Variants in ZDHHC11 observed in about 807,000 individuals in gnomAD.
The protein encoded by ZDHHC11 is zDHHC palmitoyltransferase 11, also known as palmitoyltransferase ZDHHC11.
In ZDHHC11, 44 loss-of-function variants were observed where a neutral mutation model predicts 51.3. That is an observed-to-expected ratio of 0.86 (90% CI 0.67 to 1.10). The LOEUF (loss-of-function observed/expected upper bound fraction) is 1.10, where lower values mean the gene tolerates loss of function less well. Ranked by LOEUF, ZDHHC11 falls within the 50% of genes least tolerant of loss-of-function variation. The pLI, the probability that ZDHHC11 is intolerant of heterozygous loss-of-function variation, is 0.00. For synonymous variants in ZDHHC11, 163 were observed against 222.0 expected (o/e 0.73, Z 2.36); for missense variants, 400 against 537.7 (o/e 0.74, Z 2.53).
At chr5:816,393 G>A in intron 10 of ZDHHC11, 2 of 414,168 alleles carry the variant, frequency 4.8e-6, no homozygotes, top group Non-Finnish European at 9.6e-6. Flanking sequence ...AGCGCAGGCG[G>A]TGGTGGGGTT....
chr5:807,904 T>A (rs1408796228), intron 11 of ZDHHC11, among the ~76,000 whole-genome samples: 2 of 150,446 alleles, frequency 1.3e-5, no homozygotes, highest in Non-Finnish European at 2.9e-5. Flanking sequence ...GAGGTCAGCC[T>A]GGGATGCCTC....
intron 7 of ZDHHC11, among the ~76,000 whole-genome samples, chr5:829,129 GA>G (rs1742729296): frequency 7.1e-6 from 1 of 139,926 alleles, no homozygotes; most frequent in African/African-American, 2.6e-5. Flanking sequence ...CCCAACAGAA[GA>G]AAAGTAATAA....
intron 11 of ZDHHC11, among the ~76,000 whole-genome samples, chr5:805,538 G>A (rs569125716): frequency 4.6e-4 from 70 of 150,882 alleles, no homozygotes; most frequent in African/African-American, 1.6e-3. Context: ...GTACAAAAAA[G>A]GAAAGAACAA....
intron 4 of ZDHHC11, chr5:841,766 C>T: frequency 1.0e-6 from 1 of 995,588 alleles, no homozygotes; most frequent in Non-Finnish European, 1.2e-6. Context: ...AGGCGTAATG[C>T]AGAATGGCAG....
intron 11 of ZDHHC11, among the ~76,000 whole-genome samples, chr5:802,823 T>C (rs1267182365): frequency 1.9e-4 from 2 of 10,678 alleles, no homozygotes; most frequent in African/African-American, 3.7e-4. Flanking sequence ...AATACAAAAA[T>C]ACAAAAAAAA....
intron 1 of ZDHHC11, among the ~76,000 whole-genome samples, chr5:857,988 A>T (rs1748503579): frequency 2.2e-5 from 3 of 135,680 alleles, no homozygotes; most frequent in Middle Eastern, 5.2e-3. Context: ...TCTTTATGAC[A>T]CCGTGGTCCC....
intron 8 of ZDHHC11, chr5:823,829 G>A (rs1464933760): frequency 4.7e-5 from 16 of 343,108 alleles, no homozygotes; most frequent in Middle Eastern, 3.9e-4. Context: ...AGGTGTCAAC[G>A]TGGACAAACA....
intron 10 of ZDHHC11, among the ~76,000 whole-genome samples, chr5:816,040 T>C (rs772125328): frequency 1.3e-5 from 2 of 151,594 alleles, no homozygotes; most frequent in East Asian, 1.9e-4. Context: ...GTTCATATTA[T>C]TGCCTTGTGG....
chr5:818,839 TGACAGA>T (rs1741186046), intron 10 of ZDHHC11, among the ~76,000 whole-genome samples: 1 of 151,262 alleles, frequency 6.6e-6, no homozygotes, highest in Non-Finnish European at 1.5e-5. Context: ...CCATGCTGGG[TGACAGA>T]GTGAGATCCC....
Position 846,309 on chromosome 5 carries a change from C to T in ZDHHC11, c.503+1205G>A, listed in dbSNP as rs201895142. Reference sequence around the variant, plus strand: ...CAACGTTGGTCCCCACTCCCACGCACACCAAGGCCTCTTTCAGGTCAGCAC... The same window carrying T: ...CAACGTTGGTCCCCACTCCCACGCATACCAAGGCCTCTTTCAGGTCAGCAC... On this transcript the variant is annotated intron_variant, in intron 3 of 12. Transcript: ENST00000283441. Among the ~76,000 whole-genome samples the T allele has an allele frequency of 3.0e-3, 460 of 151,176 alleles. 10 individuals are homozygous for T. The East Asian group carries it at 0.078, about 26-fold the overall frequency.
intron 12 of ZDHHC11, among the ~76,000 whole-genome samples, chr5:797,978 C>A (rs1407737013): frequency 7.3e-5 from 11 of 150,900 alleles, no homozygotes; most frequent in African/African-American, 2.7e-4. Context: ...ACCCACCTCA[C>A]ACAAATTTAG....
At chr5:857,121 G>GTCA (rs1201188388) in intron 1 of ZDHHC11, among the ~76,000 whole-genome samples, 2 of 152,198 alleles carry the variant, frequency 1.3e-5, no homozygotes, top group African/African-American at 4.8e-5. Context: ...GCATCTGTGA[G>GTCA]TCATGACACT....
At chr5:856,473 C>T (rs1325908804) in intron 1 of ZDHHC11, among the ~76,000 whole-genome samples, 1 of 150,800 alleles carries the variant, frequency 6.6e-6, no homozygotes, top group South Asian at 2.1e-4. Context: ...ACGAAACACA[C>T]GAGACCACAC....
intron 4 of ZDHHC11, chr5:841,582 C>A (rs1468264317): frequency 3.0e-6 from 3 of 1,000,688 alleles, no homozygotes; most frequent in Non-Finnish European, 3.6e-6. Flanking sequence ...TCTGCCAGGC[C>A]CCAGCACCCA....
chr5:797,345 A>C (rs1295671350), intron 12 of ZDHHC11, among the ~76,000 whole-genome samples: 1 of 151,782 alleles, frequency 6.6e-6, no homozygotes, highest in African/African-American at 2.4e-5. Flanking sequence ...GGTGTCTTCT[A>C]ACAATGTTGG....
chr5:827,126 C>T (rs1481262248), intron 7 of ZDHHC11, among the ~76,000 whole-genome samples: 1 of 149,422 alleles, frequency 6.7e-6, no homozygotes, highest in African/African-American at 2.5e-5. Flanking sequence ...TTCAGCAAAA[C>T]TATGTTTCCT....
chr5:815,385 C>T (rs1009079022), intron 10 of ZDHHC11, among the ~76,000 whole-genome samples: 13 of 150,816 alleles, frequency 8.6e-5, no homozygotes, highest in Non-Finnish European at 1.3e-4. Flanking sequence ...ACGTTGTTCT[C>T]AGTGCTCTTG....
chr5:802,618 T>C (rs1031350588), intron 11 of ZDHHC11, among the ~76,000 whole-genome samples: 1 of 150,056 alleles, frequency 6.7e-6, no homozygotes, highest in African/African-American at 2.4e-5. Context: ...AAAGAGCAAT[T>C]GCAATGAATT....
Position 825,210 on chromosome 5 carries a change from C to A in ZDHHC11, c.977G>T (p.Cys326Phe), listed in dbSNP as rs1742168277. The A allele has an allele frequency of 6.2e-7, 1 of 1,612,794 alleles. No individual in the cohort carries two copies. Among genetic ancestry groups the A allele is most frequent in the Admixed American group, 1.7e-5 (1 of 59,956 alleles). Residue 326 changes from cysteine (C) to phenylalanine (F), a missense_variant, in exon 8 of 13, where the codon TGT becomes TTT. Around this residue, in one of 5 missense-constraint regions of ZDHHC11, gnomAD observed 231 missense variants for 227.4 expected, o/e 1.02. Coordinates refer to ENST00000283441, the MANE Select transcript of ZDHHC11 (RefSeq NM_024786.3). The stretch of plus-strand genomic sequence containing the variant: ...CTGGTTTACTGAAGTGCAGAAGTGA[C>A]ATAAGTGCTTGTGAATCAGCAGGGA... ...KSSLLIHKHL[C>F]HFCTSVNQDG... is the part of the protein sequence containing the mutation.
Sources: gnomAD v4.1 joint callset for allele counts (sites outside exome capture counted in the v4.1 genomes callset) on GRCh38, gnomAD v4.1.1 for gene constraint, gnomAD v4.1.1 regional missense constraint, MANE v1.5 for transcripts, NCBI Gene and HGNC (gene_info 2026-07-23, HGNC 2026-07-21) for gene names.